The following LDLRAP1 variants were observed in gnomAD, a reference collection of about 807,000 sequenced individuals.
LDLRAP1 encodes the protein low density lipoprotein receptor adaptor protein 1, also known as low density lipoprotein receptor adapter protein 1.
In LDLRAP1, 30 loss-of-function variants were observed where a neutral mutation model predicts 37.8. That is an observed-to-expected ratio of 0.79 (90% CI 0.59 to 1.08). LDLRAP1 has a LOEUF of 1.08. LDLRAP1 is among the 50% of genes least tolerant of loss of function. LDLRAP1 has a pLI of 0.00. For missense variants in LDLRAP1, 375 were observed against 401.6 expected, an observed-to-expected ratio of 0.93 and a Z score of 0.57; for synonymous variants, 156 against 169.8, an observed-to-expected ratio of 0.92 and a Z score of 0.63.
chr1:25,582,870 G>A, the LDLRAP1 span, among the ~76,000 whole-genome samples: 4,648 of 151,526 alleles, frequency 0.031, 241 homozygotes, highest in African/African-American at 0.11. Flanking sequence ...TTAGAAGTTC[G>A]AGACCAGCCT....
rs567597345 is a variant in LDLRAP1 at position 25,555,958 on chromosome 1, C to T, written c.344+986C>T. Among the ~76,000 whole-genome samples, 39 of 152,126 alleles carry T rather than the reference C, an allele frequency of 2.6e-4. No homozygotes were observed. Among genetic ancestry groups the T allele is most frequent in the Admixed American group, 4.6e-4 (7 of 15,274 alleles). On this transcript the variant is annotated intron_variant, in intron 3 of 8. Coordinates refer to ENST00000374338, the MANE Select transcript of LDLRAP1 (RefSeq NM_015627.3). This position sits in a 1 kb window ranked among gnomAD's most constrained non-coding sequence, Gnocchi z 4.7. ...GGAGGAGATCTGCCTGGGGAAATCC[C>T]GGAAGGCCTCCCAGGGGAGGCGGCA...
rs1026145217 is a variant in LDLRAP1 at position 25,555,685 on chromosome 1, C to T, written c.344+713C>T. 2.0e-5 allele frequency among the ~76,000 whole-genome samples: 3 copies of T among 152,322 alleles called. No homozygotes were observed. The highest frequency in any genetic ancestry group is 4.8e-5 in the African/African-American group (2 of 41,578). ...TTGCTTTGTCTCTAAGCAGATGGCTCAGCCCGTTGGTGCACAGGCCAGTAG... is the reference window on the plus strand; with the variant it reads ...TTGCTTTGTCTCTAAGCAGATGGCTTAGCCCGTTGGTGCACAGGCCAGTAG... On this transcript the variant is annotated intron_variant, in intron 3 of 8. Coordinates refer to ENST00000374338, the MANE Select transcript of LDLRAP1 (RefSeq NM_015627.3). The surrounding 1 kb of genome is among the most constrained non-coding windows in gnomAD (Gnocchi z 4.7).
In LDLRAP1 at chr1:25,567,441, T is replaced by C. The variant is rs112686502; in HGVS notation, c.*449T>C. On this transcript the variant is annotated 3_prime_UTR_variant, in exon 9 of 9. Transcript: ENST00000374338. Reference sequence around the variant, plus strand: ...AAAGCTGTTGGATTTCAGTGATTTTTCCCCCCACCCCCCAGCACAGGAGAG... The same window carrying C: ...AAAGCTGTTGGATTTCAGTGATTTTCCCCCCCACCCCCCAGCACAGGAGAG... 2.5e-5 allele frequency: 7 copies of C among 279,126 alleles called. No homozygotes were observed. Among genetic ancestry groups the C allele is most frequent in the Non-Finnish European group, 4.1e-5 (6 of 144,674 alleles). The allele number at this position is 279,126 out of a possible 1,614,324, so 17.3% of individuals were successfully genotyped here. A position where few individuals can be genotyped will look rare whatever the true frequency, so the allele number is the denominator to read the frequency against.
chr1:25,558,666 C>G (rs933543244), intron 4 of LDLRAP1, among the ~76,000 whole-genome samples: 1 of 152,166 alleles, frequency 6.6e-6, no homozygotes, highest in Non-Finnish European at 1.5e-5. Context: ...ATTTCATCGT[C>G]ACATTGCTGC....
At chr1:25,551,814 C>A (rs560549755) in intron 1 of LDLRAP1, among the ~76,000 whole-genome samples, 1 of 152,118 alleles carries the variant, frequency 6.6e-6, no homozygotes, top group South Asian at 2.1e-4. Flanking sequence ...GTCACTGGGC[C>A]TGGGGCCAGG....
intron 4 of LDLRAP1, 89 bp from the exon 5 acceptor site, chr1:25,562,555 C>T: frequency 9.2e-7 from 1 of 1,087,040 alleles, no homozygotes. Context: ...AGCCAGGGGG[C>T]CTGGCCTGGA....
In LDLRAP1 at chr1:25,565,169, C is replaced by A. The variant is rs370633185; in HGVS notation, c.748-4C>A. On this transcript the variant is annotated splice_polypyrimidine_tract_variant and splice_region_variant and intron_variant, in intron 7 of 8. Transcript: ENST00000374338. ...TTCTTATCTCCTGCTTTGTTTTCCC[C>A]AAGGAGCTGGATGATGGCCTGGATG... 7.4e-5 allele frequency: 119 copies of A among 1,614,136 alleles called. No individual in the cohort carries two copies. The Middle Eastern group carries it at 1.3e-3, about 18-fold the overall frequency.
the LDLRAP1 span, among the ~76,000 whole-genome samples, chr1:25,576,940 G>A: frequency 6.6e-6 from 1 of 152,184 alleles, no homozygotes; most frequent in East Asian, 1.9e-4. Flanking sequence ...GGAGCCAGCG[G>A]TGGGGTTCAG....
the LDLRAP1 span, among the ~76,000 whole-genome samples, chr1:25,582,555 A>G: frequency 6.6e-6 from 1 of 151,322 alleles, no homozygotes; most frequent in Non-Finnish European, 1.5e-5. Context: ...ACTGCACTCC[A>G]GCCTGGCGAC....
chr1:25,573,453 G>T (rs1219038365), downstream of LDLRAP1, among the ~76,000 whole-genome samples: 2 of 152,168 alleles, frequency 1.3e-5, no homozygotes, highest in African/African-American at 4.8e-5. Flanking sequence ...GCATCCCGGG[G>T]CAGAGCTGGC....
At chr1:25,560,485 C>T (rs545898233) in intron 4 of LDLRAP1, among the ~76,000 whole-genome samples, 1 of 152,144 alleles carries the variant, frequency 6.6e-6, no homozygotes, top group Non-Finnish European at 1.5e-5. Flanking sequence ...TCTGCCCAAC[C>T]GGGAGGCCTC....
At chr1:25,566,427 A>G (rs1183838414) in intron 8 of LDLRAP1, among the ~76,000 whole-genome samples, 2 of 152,152 alleles carry the variant, frequency 1.3e-5, no homozygotes, top group African/African-American at 4.8e-5. Flanking sequence ...TCTTTTGGAC[A>G]TGTAGGTTGT....
At chr1:25,547,343 T>C (rs1014861020) in intron 1 of LDLRAP1, among the ~76,000 whole-genome samples, 1 of 151,580 alleles carries the variant, frequency 6.6e-6, no homozygotes, top group East Asian at 1.9e-4. Context: ...ATTAGCTGGG[T>C]GGGGTGGTGC....
At chr1:25,545,231 G>A (rs139755191) in intron 1 of LDLRAP1, among the ~76,000 whole-genome samples, 1 of 152,198 alleles carries the variant, frequency 6.6e-6, no homozygotes, top group Non-Finnish European at 1.5e-5. Context: ...AGGGAGGGAG[G>A]GTGGTGGGGC....
chr1:25,548,625 A>C (rs1161600169), intron 1 of LDLRAP1, among the ~76,000 whole-genome samples: 2 of 152,066 alleles, frequency 1.3e-5, no homozygotes, highest in African/African-American at 4.8e-5. Flanking sequence ...CTGGGATTAC[A>C]GACATGAGCT....
At chr1:25,579,600 G>T in the LDLRAP1 span, among the ~76,000 whole-genome samples, 1 of 152,234 alleles carries the variant, frequency 6.6e-6, no homozygotes, top group East Asian at 1.9e-4. Flanking sequence ...AGCCAAGAAT[G>T]TAGGGATTTA....
chr1:25,571,355 T>A (rs2044602913), downstream of LDLRAP1, among the ~76,000 whole-genome samples: 1 of 152,198 alleles, frequency 6.6e-6, no homozygotes, highest in South Asian at 2.1e-4. Context: ...GAGACCCTGC[T>A]TTGTCCCCAG....
intron 8 of LDLRAP1, 131 bp from the exon 9 acceptor site, chr1:25,566,717 C>A: frequency 3.6e-6 from 4 of 1,117,738 alleles, no homozygotes; most frequent in South Asian, 1.4e-5. Flanking sequence ...GGTTACTCCA[C>A]CTCCCCTGCA....
intron 8 of LDLRAP1, among the ~76,000 whole-genome samples, chr1:25,566,463 A>G (rs2044480898): frequency 6.6e-6 from 1 of 152,118 alleles, no homozygotes; most frequent in Non-Finnish European, 1.5e-5. Context: ...TATTTTTCGA[A>G]CAGCACGGTG....
Sources: allele counts gnomAD v4.1 joint callset (sites outside exome capture counted in the v4.1 genomes callset), GRCh38; gene constraint gnomAD v4.1.1; non-coding constraint Gnocchi (gnomAD v3.1); transcripts MANE v1.5; gene names NCBI Gene and HGNC (gene_info 2026-07-23, HGNC 2026-07-21).